The following PLBD1 variants were observed in gnomAD, a reference collection of about 807,000 sequenced individuals.
PLBD1 encodes the protein phospholipase B domain containing 1.
In PLBD1, 60 loss-of-function variants were observed where a neutral mutation model predicts 63.0. The observed-to-expected ratio is 0.95, with a 90% confidence interval of 0.77 to 1.18. The LOEUF (loss-of-function observed/expected upper bound fraction) is 1.18. PLBD1 is among the 50% of genes most tolerant of loss of function. The pLI, the probability that PLBD1 is intolerant of heterozygous loss-of-function variation, is 0.00. For missense variants in PLBD1, 598 were observed against 677.9 expected (o/e 0.88, Z 1.31); for synonymous variants, 262 against 248.0 (o/e 1.06, Z -0.53).
At chr12:14,516,539 C>T (rs1471451391) in intron 6 of PLBD1, among the ~76,000 whole-genome samples, 2 of 151,802 alleles carry the variant, frequency 1.3e-5, no homozygotes, top group East Asian at 1.9e-4. Context: ...TAGCAAGCTC[C>T]ATAGGAAAAA....
In PLBD1 at chr12:14,561,241, C is replaced by A. The variant is rs868089342; in HGVS notation, c.115+6341G>T. Among the ~76,000 whole-genome samples the A allele has an allele frequency of 2.0e-5, 3 of 151,350 alleles. No homozygotes were observed. In the Middle Eastern group the frequency reaches 0.01, roughly 515 times the overall value. The stretch of plus-strand genomic sequence containing the variant: ...ACAATCCACAAATGCAGAAAAATGC[C>A]GGAGATTTGCTTAGATCTGGAATGA... On this transcript the variant is annotated intron_variant, in intron 1 of 10. Transcript: ENST00000240617.
At position 14,553,232 on chromosome 12, in the gene PLBD1, A is replaced by T. The variant is rs771834034; in HGVS notation, c.296T>A (p.Met99Lys). ...GSQTLSNEII[M>K]FVAGFLEGYL... is the part of the protein sequence containing the mutation. ...ACCCTCCAAAAAGCCAGCCACAAAC[A>T]TGATGATCTCATTGCTCAGGGTTTG... Residue 99 changes from methionine (M) to lysine (K), a missense_variant, in exon 2 of 11, where the codon ATG becomes AAG. By Grantham distance (95) the Met-to-Lys change is moderately conservative (BLOSUM62 -1). Coordinates refer to ENST00000240617, the MANE Select transcript of PLBD1 (RefSeq NM_024829.6). 4 of 1,613,850 alleles carry T rather than the reference A, an allele frequency of 2.5e-6. No homozygotes were observed. The African/African-American group carries it at 5.3e-5, about 22-fold the overall frequency.
chr12:14,564,523 T>A (rs1288156099), intron 1 of PLBD1, among the ~76,000 whole-genome samples: 1 of 152,208 alleles, frequency 6.6e-6, no homozygotes, highest in Non-Finnish European at 1.5e-5. Flanking sequence ...CCTGACAATC[T>A]GTGATGTTAT....
chr12:14,512,151 A>G (rs1194884329), intron 6 of PLBD1, among the ~76,000 whole-genome samples: 1 of 104,362 alleles, frequency 9.6e-6, no homozygotes, highest in African/African-American at 4.1e-5. Flanking sequence ...GTATAAGTCT[A>G]CTTTTTTTTT....
chr12:14,531,634 TTTG>T (rs1401083438), intron 6 of PLBD1, among the ~76,000 whole-genome samples: 1 of 152,150 alleles, frequency 6.6e-6, no homozygotes, highest in African/African-American at 2.4e-5. Flanking sequence ...ATGTAATCTC[TTTG>T]TTGTTGTTCT....
At chr12:14,504,264 G>A (rs895197571) in intron 10 of PLBD1, among the ~76,000 whole-genome samples, 9 of 152,104 alleles carry the variant, frequency 5.9e-5, no homozygotes, top group Non-Finnish European at 1.3e-4. Flanking sequence ...TGGCCAAACT[G>A]GTCTCGAACT....
At chr12:14,548,733 T>G (rs1945635215) in intron 2 of PLBD1, among the ~76,000 whole-genome samples, 1 of 152,178 alleles carries the variant, frequency 6.6e-6, no homozygotes, top group Admixed American at 6.5e-5. Context: ...CTTTGAAGAA[T>G]GTAGTCAGGA....
Position 14,503,816 on chromosome 12 carries a change from C to G in PLBD1, c.1618G>C (p.Asp540His), listed in dbSNP as rs958035035. The stretch of plus-strand genomic sequence containing the variant: ...AAAATTGGTTTCATGGTAATAAAAT[C>G]AAAGTTGTAGACCTCTGGCATGCCC... ...HQGMPEVYNF[D>H]FITMKPILKL... Residue 540 changes from aspartate to histidine, a missense_variant, in exon 11 of 11, where the codon GAT becomes CAT. By Grantham distance (81) the Asp-to-His change is moderately conservative. Transcript: ENST00000240617. 19 of 1,613,218 alleles carry G rather than the reference C, an allele frequency of 1.2e-5. No individual in the cohort carries two copies. Among genetic ancestry groups the G allele is most frequent in the Non-Finnish European group, 1.3e-5 (15 of 1,179,738 alleles).
At chr12:14,527,737 A>G (rs1276066301) in intron 6 of PLBD1, among the ~76,000 whole-genome samples, 2 of 152,130 alleles carry the variant, frequency 1.3e-5, no homozygotes, top group African/African-American at 4.8e-5. Context: ...AAGATCTGAA[A>G]TGTAGAGATG....
chr12:14,553,116 G>A, intron 2 of PLBD1, 77 bp downstream of exon 2: 2 of 1,252,910 alleles, frequency 1.6e-6, no homozygotes, highest in Admixed American at 4.0e-5. Flanking sequence ...GCAATGCCAG[G>A]AAGATGAGAG....
At chr12:14,537,222 G>C (rs1037903399) in intron 4 of PLBD1, among the ~76,000 whole-genome samples, 1 of 151,962 alleles carries the variant, frequency 6.6e-6, no homozygotes, top group South Asian at 2.1e-4. Context: ...GGCATGTTTT[G>C]ATAGCCCCAG....
chr12:14,543,252 T>C (rs990592948), intron 2 of PLBD1, among the ~76,000 whole-genome samples: 2 of 152,126 alleles, frequency 1.3e-5, no homozygotes, highest in Non-Finnish European at 2.9e-5. Context: ...ATTCTTAATA[T>C]TAAAAAGATA....
At chr12:14,510,971 A>G (rs1191148485) in intron 8 of PLBD1, among the ~76,000 whole-genome samples, 1 of 152,228 alleles carries the variant, frequency 6.6e-6, no homozygotes, top group Non-Finnish European at 1.5e-5. Context: ...AATTGAACTT[A>G]AAGCTTTAAC....
intron 8 of PLBD1, among the ~76,000 whole-genome samples, chr12:14,510,731 C>T (rs569908611): frequency 6.6e-6 from 1 of 152,214 alleles, no homozygotes; most frequent in East Asian, 1.9e-4. Context: ...TCCTTCTTGC[C>T]CACCAGAAGT....
chr12:14,545,296 C>T (rs1157222951), intron 2 of PLBD1, among the ~76,000 whole-genome samples: 1 of 152,230 alleles, frequency 6.6e-6, no homozygotes, highest in East Asian at 1.9e-4. Flanking sequence ...ATCTGGCTCC[C>T]AGCCTTGACT....
intron 8 of PLBD1, among the ~76,000 whole-genome samples, chr12:14,508,518 C>T (rs2136903949): frequency 6.6e-6 from 1 of 152,250 alleles, no homozygotes; most frequent in Admixed American, 6.5e-5. Flanking sequence ...CCTGTAATCC[C>T]AGCACTTTGG....
At chr12:14,528,216 A>C (rs1945431627) in intron 6 of PLBD1, among the ~76,000 whole-genome samples, 1 of 152,190 alleles carries the variant, frequency 6.6e-6, no homozygotes, top group Non-Finnish European at 1.5e-5. Flanking sequence ...CTTGAATTAC[A>C]CTATCAATTA....
At chr12:14,563,808 G>A (rs1945761267) in intron 1 of PLBD1, among the ~76,000 whole-genome samples, 1 of 152,176 alleles carries the variant, frequency 6.6e-6, no homozygotes, top group East Asian at 1.9e-4. Context: ...AGGCATTAGG[G>A]TTCCAAAGGA....
intron 2 of PLBD1, 52 bp downstream of exon 2, chr12:14,553,141 G>T: frequency 6.8e-7 from 1 of 1,460,290 alleles, no homozygotes. Context: ...TGTGGAACAT[G>T]GGAAGGACAG....
Sources: allele counts gnomAD v4.1 joint callset (sites outside exome capture counted in the v4.1 genomes callset), GRCh38; gene constraint gnomAD v4.1.1; transcripts MANE v1.5; gene names NCBI Gene and HGNC (gene_info 2026-07-23, HGNC 2026-07-21).